Variants in GRIP1 observed in about 807,000 individuals in gnomAD.
The protein encoded by GRIP1 is glutamate receptor interacting protein 1.
GRIP1 carries 45 observed loss-of-function variants against 129.9 expected under a neutral mutation model. The ratio of observed to expected loss-of-function variants is 0.35; its 90% confidence interval spans 0.27 to 0.44. The LOEUF (loss-of-function observed/expected upper bound fraction) is 0.44, where lower values mean the gene tolerates loss of function less well. Among genes scored for constraint, GRIP1 ranks in the 20% least tolerant of loss-of-function variants. The probability of loss-of-function intolerance (pLI) is 1.00; values close to 1 mark genes in which losing one functional copy is unlikely to be tolerated. For missense variants in GRIP1, 1,196 were observed against 1,396.8 expected (o/e 0.86, Z 2.29); for synonymous variants, 530 against 520.8 (o/e 1.02, Z -0.24).
At chr12:66,638,750 TCTCTC>T (rs1565931498) in intron 1 of GRIP1, among the ~76,000 whole-genome samples, 1 of 152,186 alleles carries the variant, frequency 6.6e-6, no homozygotes, top group African/African-American at 2.4e-5. Flanking sequence ...ATTCTCTCTC[TCTCTC>T]TTTTTTTTGT....
chr12:66,663,685 C>T (rs1460869118), intron 1 of GRIP1, among the ~76,000 whole-genome samples: 1 of 152,156 alleles, frequency 6.6e-6, no homozygotes, highest in East Asian at 1.9e-4. Flanking sequence ...TGTTAGGCTC[C>T]TAAATTTTTG....
At position 66,968,303 on chromosome 12, in the gene GRIP1, C is replaced by T. The variant is rs376298799; in HGVS notation, c.58+100747G>A. Among the ~76,000 whole-genome samples, 45 of 152,238 alleles carry T rather than the reference C, an allele frequency of 3.0e-4. 1 individual carries two copies. The highest frequency in any genetic ancestry group is 9.4e-4 in the African/African-American group (39 of 41,562). ...ATTGGTGTTAACATACTGTATAATTCTCCATCCCTTTACTCTTAACTTGAT... is the reference window on the plus strand; with the variant it reads ...ATTGGTGTTAACATACTGTATAATTTTCCATCCCTTTACTCTTAACTTGAT... On this transcript the variant is annotated intron_variant, in intron 1 of 1. Transcript: ENST00000643019.
intron 1 of GRIP1, among the ~76,000 whole-genome samples, chr12:67,029,918 G>A (rs966083713): frequency 4.6e-5 from 7 of 151,596 alleles, no homozygotes; most frequent in East Asian, 1.9e-4. Flanking sequence ...AAAAAAAATC[G>A]GCCTGGCGCG....
intron 1 of GRIP1, among the ~76,000 whole-genome samples, chr12:67,030,096 A>G (rs1053101040): frequency 1.2e-4 from 18 of 150,600 alleles, no homozygotes; most frequent in African/African-American, 3.9e-4. Context: ...CTGTAGTCCC[A>G]GCTACTGGGG....
At chr12:66,383,352 G>A (rs1366338032) in intron 19 of GRIP1, among the ~76,000 whole-genome samples, 1 of 149,562 alleles carries the variant, frequency 6.7e-6, no homozygotes, top group Non-Finnish European at 1.5e-5. Flanking sequence ...AACAGACAGT[G>A]TTGGCCAAGT....
intron 1 of GRIP1, among the ~76,000 whole-genome samples, chr12:67,007,575 C>A (rs2042645550): frequency 6.6e-6 from 1 of 152,070 alleles, no homozygotes; most frequent in Non-Finnish European, 1.5e-5. Flanking sequence ...CTTTCACATG[C>A]AATTGTTGTT....
intron 5 of GRIP1, among the ~76,000 whole-genome samples, chr12:66,519,655 G>A (rs1409314801): frequency 6.6e-6 from 1 of 152,212 alleles, no homozygotes; most frequent in Non-Finnish European, 1.5e-5. Flanking sequence ...CTGGAAGTTT[G>A]CAGCAGCAAG....
intron 1 of GRIP1, among the ~76,000 whole-genome samples, chr12:67,041,080 CCT>C (rs540316138): frequency 2.2e-4 from 33 of 152,188 alleles, no homozygotes; most frequent in Admixed American, 2.2e-3. Context: ...ACCCTGCAGG[CCT>C]GCCCTATTGG....
At chr12:67,069,243 G>A (rs2043692712), upstream of GRIP1, 1 of 327,746 alleles carries the variant, frequency 3.1e-6, no homozygotes, top group African/African-American at 2.2e-5. Context: ...GCGCCGAGGC[G>A]GCTCCCGGGC....
At chr12:66,968,390 CTA>C (rs2042026606) in intron 1 of GRIP1, among the ~76,000 whole-genome samples, 1 of 151,968 alleles carries the variant, frequency 6.6e-6, no homozygotes, top group Non-Finnish European at 1.5e-5. Flanking sequence ...TCTAGGTTTC[CTA>C]TGTTTTATAT....
intron 1 of GRIP1, among the ~76,000 whole-genome samples, chr12:66,900,710 C>A (rs983203445): frequency 6.6e-6 from 1 of 152,198 alleles, no homozygotes; most frequent in Non-Finnish European, 1.5e-5. Flanking sequence ...TCCCTCTCAA[C>A]TGAGTCAGCC....
At chr12:66,624,475 G>C (rs2065402198) in intron 1 of GRIP1, among the ~76,000 whole-genome samples, 1 of 152,090 alleles carries the variant, frequency 6.6e-6, no homozygotes, top group Admixed American at 6.6e-5. Context: ...TGATTGGATA[G>C]ATTACAAAAT....
In GRIP1 at chr12:66,751,827, T is replaced by C. The variant is rs146357183; in HGVS notation, c.-420+52226A>G. Among the ~76,000 whole-genome samples the C allele has an allele frequency of 1.8e-3, 278 of 152,342 alleles. 1 individual carries two copies. The highest frequency in any genetic ancestry group is 3.1e-3 in the Non-Finnish European group (211 of 68,032). ...CAAATCTGCTTTTAAGTTTCACATA[T>C]AATCTGAAAGTGCTGACAACATGTG... On this transcript the variant is annotated intron_variant, in intron 1 of 4. Coordinates refer to the GRIP1 transcript ENST00000538373.
intron 7 of GRIP1, among the ~76,000 whole-genome samples, chr12:66,507,503 T>C (rs1175945731): frequency 6.6e-6 from 1 of 151,616 alleles, no homozygotes. Context: ...TTGCGACTGG[T>C]AGAAGTTTTA....
intron 1 of GRIP1, among the ~76,000 whole-genome samples, chr12:66,786,665 G>A (rs1216034953): frequency 6.6e-6 from 1 of 152,134 alleles, no homozygotes; most frequent in African/African-American, 2.4e-5. Context: ...GCAGCTGGAG[G>A]GAGAATGATG....
At chr12:66,700,493 G>C (rs537939623) in intron 1 of GRIP1, among the ~76,000 whole-genome samples, 1 of 151,562 alleles carries the variant, frequency 6.6e-6, no homozygotes, top group South Asian at 2.1e-4. Context: ...CTGGAGTGCA[G>C]TGGCTAGTCA....
At chr12:66,479,180 A>T (rs2059723318) in intron 7 of GRIP1, among the ~76,000 whole-genome samples, 3 of 152,016 alleles carry the variant, frequency 2.0e-5, no homozygotes, top group Admixed American at 2.0e-4. Flanking sequence ...AGCCAGACTA[A>T]TAAGGAAGAA....
At chr12:66,844,639 A>G (rs374508257) in intron 1 of GRIP1, among the ~76,000 whole-genome samples, 36 of 152,350 alleles carry the variant, frequency 2.4e-4, no homozygotes, top group Admixed American at 2.6e-4. Context: ...AGGGTCTTAA[A>G]GAGATATTTG....
chr12:66,600,986 A>G (rs1439683259), intron 1 of GRIP1, among the ~76,000 whole-genome samples: 4 of 152,230 alleles, frequency 2.6e-5, no homozygotes, highest in Admixed American at 6.5e-5. Flanking sequence ...AGGGGCTTAC[A>G]TGTTGGTCAC....
Sources: gnomAD v4.1 joint callset for allele counts (sites outside exome capture counted in the v4.1 genomes callset) on GRCh38, gnomAD v4.1.1 for gene constraint, MANE v1.5 for transcripts, NCBI Gene and HGNC (gene_info 2026-07-23, HGNC 2026-07-21) for gene names.